Variants in AP2B1 observed in about 807,000 individuals in gnomAD.
AP2B1 encodes the protein adaptor related protein complex 2 subunit beta 1.
A neutral mutation model predicts 102.0 loss-of-function variants in AP2B1; 23 were observed. The observed-to-expected ratio is 0.23, with a 90% CI of 0.16 to 0.32. AP2B1 has a LOEUF of 0.32. Among genes scored for constraint, AP2B1 ranks in the 10% least tolerant of loss-of-function variants. AP2B1 has a pLI of 1.00. For synonymous variants in AP2B1, 381 were observed against 421.2 expected (o/e 0.90, Z 1.17); for missense variants, 541 against 1,157.4 (o/e 0.47, Z 7.73).
chr17:35,680,705 T>TTG (rs1567972398), intron 17 of AP2B1, among the ~76,000 whole-genome samples: 44 of 147,956 alleles, frequency 3.0e-4, no homozygotes, highest in African/African-American at 7.3e-4. Flanking sequence ...TTTTTGTTTT[T>TTG]TTTTTTTTTT....
chr17:35,642,673 ATG>A (rs1364940427), intron 12 of AP2B1, among the ~76,000 whole-genome samples: 3 of 152,108 alleles, frequency 2.0e-5, no homozygotes, highest in African/African-American at 7.2e-5. Flanking sequence ...CAGAGTTACG[ATG>A]TGTGTCTGCA....
intron 6 of AP2B1, 40 bp from the exon 7 acceptor site, chr17:35,626,581 A>G: frequency 6.8e-7 from 1 of 1,467,512 alleles, no homozygotes; most frequent in Non-Finnish European, 9.5e-7. Flanking sequence ...CAGCAAATAA[A>G]TTATAATTCA....
chr17:35,621,270 A>G (rs1016714317), intron 5 of AP2B1: 1 of 982,920 alleles, frequency 1.0e-6, no homozygotes, highest in Non-Finnish European at 1.2e-6. Flanking sequence ...TCTTTAAGAT[A>G]CTTTAGATTC....
intron 5 of AP2B1, among the ~76,000 whole-genome samples, chr17:35,616,140 C>CTTTTTTTTTTTTT (rs1567817288): frequency 1.3e-5 from 1 of 79,334 alleles, no homozygotes; most frequent in East Asian, 3.7e-4. Flanking sequence ...TAAAAAATAT[C>CTTTTTTTTTTTTT]TCTTTTTTTT....
At chr17:35,602,926 G>A (rs56133510) in intron 3 of AP2B1, among the ~76,000 whole-genome samples, 2,013 of 151,976 alleles carry the variant, frequency 0.013, 50 homozygotes, top group African/African-American at 0.047. Context: ...ACTGGTTATC[G>A]TTGTTTTGTG....
intron 2 of AP2B1, among the ~76,000 whole-genome samples, chr17:35,595,087 A>T (rs938433987): frequency 6.6e-6 from 1 of 152,182 alleles, no homozygotes; most frequent in Non-Finnish European, 1.5e-5. Flanking sequence ...CTCTTGTTGC[A>T]GTGAGTTGCT....
chr17:35,688,997 T>C (rs1350240781), intron 18 of AP2B1, among the ~76,000 whole-genome samples: 1 of 152,124 alleles, frequency 6.6e-6, no homozygotes, highest in Non-Finnish European at 1.5e-5. Flanking sequence ...CACTTTTTTA[T>C]GAAACATTTT....
intron 12 of AP2B1, 75 bp from the exon 13 acceptor site, chr17:35,650,455 G>C: frequency 6.5e-7 from 1 of 1,533,498 alleles, no homozygotes; most frequent in Non-Finnish European, 8.9e-7. Context: ...ATTGGTTGAT[G>C]ATAAATCCAG....
chr17:35,632,662 T>G (rs1342350113), intron 9 of AP2B1, among the ~76,000 whole-genome samples: 5 of 150,092 alleles, frequency 3.3e-5, no homozygotes, highest in Admixed American at 6.7e-5. Context: ...TAATGGTAGT[T>G]TTTTTTTTTT....
At chr17:35,720,600 T>TTTTTTTA (rs2085357461) in intron 21 of AP2B1, among the ~76,000 whole-genome samples, 2 of 118,068 alleles carry the variant, frequency 1.7e-5, no homozygotes, top group African/African-American at 3.4e-5. Flanking sequence ...TTTTTTTTTT[T>TTTTTTTA]AATATAGAGA....
At chr17:35,635,453 C>T (rs1190207902) in intron 9 of AP2B1, among the ~76,000 whole-genome samples, 1 of 151,518 alleles carries the variant, frequency 6.6e-6, no homozygotes, top group Non-Finnish European at 1.5e-5. Flanking sequence ...GGTGTGATCT[C>T]GGCTAACTAC....
At position 35,713,524 on chromosome 17, in the gene AP2B1, A is replaced by G. The variant is rs34296197; in HGVS notation, c.2626+3204A>G. On this transcript the variant is annotated intron_variant, in intron 20 of 21. Transcript: ENST00000610402. ...TTTGGCTTTAGTGCCTTCTGATTCAACACCCTGGGTCTAGCTGAGAGCTAA... is the reference window on the plus strand; with the variant it reads ...TTTGGCTTTAGTGCCTTCTGATTCAGCACCCTGGGTCTAGCTGAGAGCTAA... 9.4e-3 allele frequency among the ~76,000 whole-genome samples: 1,428 copies of G among 152,224 alleles called. 20 individuals carry two copies. Among genetic ancestry groups the G allele is most frequent in the African/African-American group, 0.033 (1,358 of 41,536 alleles).
chr17:35,628,349 C>A (rs541358733), intron 9 of AP2B1, among the ~76,000 whole-genome samples: 1 of 152,176 alleles, frequency 6.6e-6, no homozygotes, highest in African/African-American at 2.4e-5. Flanking sequence ...CACCTGTAAT[C>A]CCAGCACTTT....
intron 17 of AP2B1, among the ~76,000 whole-genome samples, chr17:35,682,061 C>A (rs587710630): frequency 8.0e-4 from 121 of 152,196 alleles, no homozygotes; most frequent in Non-Finnish European, 1.2e-3. Flanking sequence ...TCGAGACCAG[C>A]CTGGCCAACA....
chr17:35,604,301 G>T (rs747615268), intron 3 of AP2B1, among the ~76,000 whole-genome samples: 34 of 151,942 alleles, frequency 2.2e-4, no homozygotes, highest in Non-Finnish European at 4.6e-4. Flanking sequence ...TAGAGACGAG[G>T]TCTCACTATG....
chr17:35,703,089 G>A (rs2076269022), intron 18 of AP2B1, among the ~76,000 whole-genome samples: 1 of 151,772 alleles, frequency 6.6e-6, no homozygotes, highest in African/African-American at 2.4e-5. Flanking sequence ...TGGCCAACAC[G>A]GTGAAACCCC....
intron 1 of AP2B1, among the ~76,000 whole-genome samples, chr17:35,591,462 C>T (rs1291666560): frequency 2.0e-5 from 3 of 152,090 alleles, no homozygotes; most frequent in Non-Finnish European, 2.9e-5. Flanking sequence ...CGTGAGCCAC[C>T]GTGCCTGGCC....
chr17:35,594,183 C>G (rs1480406306), intron 2 of AP2B1, 116 bp downstream of exon 2: 5 of 605,196 alleles, frequency 8.3e-6, no homozygotes, highest in Non-Finnish European at 1.4e-5. Context: ...CTGACAATCT[C>G]ACTGGACATC....
At chr17:35,720,573 A>AT (rs1208973388) in intron 21 of AP2B1, among the ~76,000 whole-genome samples, 454 of 28,074 alleles carry the variant, frequency 0.016, 52 homozygotes, top group Non-Finnish European at 0.021. Flanking sequence ...ATATATATAT[A>AT]TTTTTTTTTT....
Sources: allele counts gnomAD v4.1 joint callset (sites outside exome capture counted in the v4.1 genomes callset), GRCh38; gene constraint gnomAD v4.1.1; transcripts MANE v1.5; gene names NCBI Gene and HGNC (gene_info 2026-07-23, HGNC 2026-07-21).